The following WIPI2 variants were observed in gnomAD, a reference collection of about 807,000 sequenced individuals.
WIPI2 encodes WD repeat domain, phosphoinositide interacting 2, also known as WD repeat domain phosphoinositide-interacting protein 2.
In WIPI2, 28 loss-of-function variants were observed where a neutral mutation model predicts 52.3. That is an observed-to-expected ratio of 0.54 (90% confidence interval 0.40 to 0.73). WIPI2 has a LOEUF of 0.73. Ranked by LOEUF, WIPI2 falls within the 30% of genes least tolerant of loss-of-function variation. The pLI, the probability that WIPI2 is intolerant of heterozygous loss-of-function variation, is 0.00. For missense variants in WIPI2, 506 were observed against 602.9 expected (o/e 0.84, Z 1.68); for synonymous variants, 268 against 245.0 (o/e 1.09, Z -0.88).
At chr7:5,202,519 G>T (rs1562388454) in intron 3 of WIPI2, among the ~76,000 whole-genome samples, 1 of 151,950 alleles carries the variant, frequency 6.6e-6, no homozygotes, top group Non-Finnish European at 1.5e-5. Flanking sequence ...GAGTAGCTGG[G>T]ACCACAGGCA....
intron 7 of WIPI2, among the ~76,000 whole-genome samples, chr7:5,221,320 G>A (rs62441060): frequency 6.6e-6 from 1 of 152,054 alleles, no homozygotes; most frequent in East Asian, 1.9e-4. Flanking sequence ...TGTTGCCCAG[G>A]GTGGTCTCGA....
In WIPI2 at chr7:5,231,749, AT is replaced by A. The variant is rs3839712; in HGVS notation, c.*817del. On this transcript the variant is annotated 3_prime_UTR_variant, in exon 13 of 13. Coordinates refer to ENST00000288828, the MANE Select transcript of WIPI2 (RefSeq NM_015610.4). The stretch of plus-strand genomic sequence containing the variant: ...ACTCTTCCTGTTGAAAAACTGTGTG[AT>A]TTTTTTTTTTTTTTAAGTAAAGTTT... 0.42 allele frequency: 62,953 copies of A among 149,946 alleles called. 12,744 individuals are homozygous for A. Among genetic ancestry groups the A allele is most frequent in the African/African-American group, 0.48 (19,449 of 40,214 alleles). 9.3% of individuals were successfully genotyped at this position (149,946 alleles called of 1,614,324 possible).
At chr7:5,196,715 C>G (rs111277521) in intron 2 of WIPI2, among the ~76,000 whole-genome samples, 18 of 152,224 alleles carry the variant, frequency 1.2e-4, no homozygotes, top group Admixed American at 3.9e-4. Flanking sequence ...GTTTCCAAGT[C>G]ACCAAGAAAT....
chr7:5,202,886 A>G (rs1782099810), intron 3 of WIPI2, among the ~76,000 whole-genome samples: 1 of 152,228 alleles, frequency 6.6e-6, no homozygotes, highest in Non-Finnish European at 1.5e-5. Flanking sequence ...GTATGGGTTT[A>G]TTATTTGTAA....
intron 1 of WIPI2, 52 bp downstream of exon 1, chr7:5,190,545 G>T (rs1388649138): frequency 1.4e-6 from 2 of 1,398,272 alleles, no homozygotes; most frequent in South Asian, 3.1e-5. Context: ...GTCGGACCCG[G>T]GCTAGGGGGA....
chr7:5,225,201 T>C lies in WIPI2; in HGVS notation c.741-622T>C, dbSNP rs368631900. Among the ~76,000 whole-genome samples, 15 of 151,774 alleles carry C rather than the reference T, an allele frequency of 9.9e-5. No homozygotes were observed. In the East Asian group the frequency reaches 2.9e-3, roughly 29 times the overall value. On this transcript the variant is annotated intron_variant, in intron 8 of 12. Coordinates refer to ENST00000288828, the MANE Select transcript of WIPI2 (RefSeq NM_015610.4). Reference sequence around the variant, plus strand: ...TGTCGCCCAGGCTGGAGTGCAGTGGTGCGATCTCAGCTCACTGCAACCTCT... The same window carrying C: ...TGTCGCCCAGGCTGGAGTGCAGTGGCGCGATCTCAGCTCACTGCAACCTCT...
At position 5,230,936 on chromosome 7, in the gene WIPI2, C is replaced by A; in HGVS notation, c.1354C>A (p.Arg452=). ...EDSEHPPMIL[R]TD ...CAGCGAGCACCCGCCCATGATTCTT[C>A]GGACTGACTGAACTTGACCTGTGAC... The change falls in exon 13 of 13, where the codon CGG becomes AGG. Residue 452 remains arginine, a synonymous_variant. Transcript: ENST00000288828. The surrounding 1 kb of genome is among the most constrained non-coding windows in gnomAD (Gnocchi z 4.8). The A allele has an allele frequency of 6.2e-7, 1 of 1,611,564 alleles. No individual in the cohort carries two copies. Among genetic ancestry groups the A allele is most frequent in the Non-Finnish European group, 8.5e-7 (1 of 1,178,788 alleles).
chr7:5,190,505 G>A lies in WIPI2; in HGVS notation c.74+12G>A. 2 of 1,496,070 alleles carry A rather than the reference G, an allele frequency of 1.3e-6. No individual in the cohort carries two copies. The highest frequency in any genetic ancestry group is 1.8e-6 in the Non-Finnish European group (2 of 1,120,332). 92.7% of individuals were successfully genotyped at this position (1,496,070 alleles called of 1,614,324 possible). ...AACCAGGACAACACGTAAGGCCGGGGTCGGGGGTCGGAGTCGGGGTGAGGC... is the reference window on the plus strand; with the variant it reads ...AACCAGGACAACACGTAAGGCCGGGATCGGGGGTCGGAGTCGGGGTGAGGC... On this transcript the variant is annotated intron_variant, in intron 1 of 12. Transcript: ENST00000288828.
intron 9 of WIPI2, 162 bp downstream of exon 9, chr7:5,226,092 G>T (rs1157113574): frequency 1.5e-6 from 1 of 666,188 alleles, no homozygotes; most frequent in Non-Finnish European, 2.6e-6. Flanking sequence ...ATCCAGGCTC[G>T]GCAGTGAGGA....
chr7:5,214,703 A>T lies in WIPI2; in HGVS notation c.380A>T (p.Gln127Leu). The change falls in exon 4 of 13, where the codon CAG becomes CTG. Residue 127 changes from glutamine (Q) to leucine (L), a missense_variant and splice_region_variant. By Grantham distance (113) the Gln-to-Leu change is moderately radical (BLOSUM62 -2). Around this residue, in one of 4 missense-constraint regions of WIPI2, gnomAD observed 237 missense variants for 346.9 expected, o/e 0.68. Coordinates refer to ENST00000288828, the MANE Select transcript of WIPI2 (RefSeq NM_015610.4). ...NTILAVKLNR[Q>L]RLIVCLEESL... ...ATTCTGGCTGTGAAGCTCAACAGGC[A>T]GGTGAGCGCTGCCCCAGCTGGGTGT... The T allele has an allele frequency of 1.2e-6, 2 of 1,613,866 alleles. No homozygotes were observed. The highest frequency in any genetic ancestry group is 1.7e-6 in the Non-Finnish European group (2 of 1,180,020).
chr7:5,209,663 C>T (rs1190078186), intron 3 of WIPI2, among the ~76,000 whole-genome samples: 1 of 152,192 alleles, frequency 6.6e-6, no homozygotes, highest in South Asian at 2.1e-4. Context: ...CATCCCATCA[C>T]AGTTAACACC....
intron 3 of WIPI2, among the ~76,000 whole-genome samples, chr7:5,204,435 C>G (rs961307015): frequency 5.6e-4 from 85 of 152,244 alleles, no homozygotes; most frequent in African/African-American, 1.7e-3. Flanking sequence ...CCACTGCGCT[C>G]CAGCTTGGGC....
chr7:5,232,564 CAG>C lies in WIPI2; in HGVS notation c.*1618_*1619del. 2.7e-6 allele frequency: 1 copy of C among 369,542 alleles called. No homozygotes were observed. 22.9% of individuals were successfully genotyped at this position (369,542 alleles called of 1,614,324 possible). A position where few individuals can be genotyped will look rare whatever the true frequency, so the allele number is the denominator to read the frequency against. ...GGGATCCCGGTCACGCAGGCTGAGACAGTGGGGACCGCCGAGGCCAGAGTGGG... is the reference window on the plus strand; with the variant it reads ...GGGATCCCGGTCACGCAGGCTGAGACTGGGGACCGCCGAGGCCAGAGTGGG... On this transcript the variant is annotated 3_prime_UTR_variant, in exon 13 of 13. Transcript: ENST00000288828.
intron 3 of WIPI2, among the ~76,000 whole-genome samples, chr7:5,202,634 C>T (rs1359468144): frequency 1.3e-5 from 2 of 152,188 alleles, no homozygotes; most frequent in Non-Finnish European, 2.9e-5. Flanking sequence ...AGTCCTCCCA[C>T]CTCAGCCTCC....
intron 2 of WIPI2, among the ~76,000 whole-genome samples, chr7:5,194,692 C>T (rs1056652871): frequency 8.5e-5 from 13 of 152,168 alleles, no homozygotes; most frequent in African/African-American, 3.1e-4. Context: ...CCCAACTGGT[C>T]TCAAACTCCT....
At position 5,227,009 on chromosome 7, in the gene WIPI2, G is replaced by A. The variant is rs79450275; in HGVS notation, c.849-171G>A. ...CCCGACACCTCCCAGAGGAAGCTCC[G>A]TGATGCCCCTGGGGCCCTGAGTGTC... On this transcript the variant is annotated intron_variant, in intron 9 of 12. Coordinates refer to ENST00000288828, the MANE Select transcript of WIPI2 (RefSeq NM_015610.4). The surrounding 1 kb of genome is among the most constrained non-coding windows in gnomAD (Gnocchi z 8.1). The A allele has an allele frequency of 6.0e-3, 5,143 of 851,276 alleles. 165 individuals carry two copies. The African/African-American group carries it at 0.074, about 12-fold the overall frequency. The allele number at this position is 851,276 out of a possible 1,614,324, so 52.7% of individuals were successfully genotyped here.
At chr7:5,225,790 CG>C in intron 8 of WIPI2, 32 bp from the exon 9 acceptor site, 1 of 1,552,874 alleles carries the variant, frequency 6.4e-7, no homozygotes, top group South Asian at 1.2e-5. Context: ...CTGCTGGCTC[CG>C]GTGGCCCGCC....
Position 5,231,064 on chromosome 7 carries a change from T to TAAAAA in WIPI2, c.*126_*130dup. 1 of 549,922 alleles carries TAAAAA rather than the reference T, an allele frequency of 1.8e-6. No homozygotes were observed. The highest frequency in any genetic ancestry group is 2.9e-6 in the Non-Finnish European group (1 of 350,058). The allele number at this position is 549,922 out of a possible 1,614,324, so 34.1% of individuals were successfully genotyped here. ...GGGGAGAGGATGGCAGAGACTTTAT[T>TAAAAA]AAAAAAAAAAAAAGATTGTAGTGGT... On this transcript the variant is annotated 3_prime_UTR_variant, in exon 13 of 13. Coordinates refer to ENST00000288828, the MANE Select transcript of WIPI2 (RefSeq NM_015610.4).
At chr7:5,194,057 C>T (rs982893182) in intron 2 of WIPI2, among the ~76,000 whole-genome samples, 1 of 152,218 alleles carries the variant, frequency 6.6e-6, no homozygotes, top group African/African-American at 2.4e-5. Flanking sequence ...GTGCATCATG[C>T]AGCCAAGGGA....
Sources: allele counts gnomAD v4.1 joint callset (sites outside exome capture counted in the v4.1 genomes callset), GRCh38; gene constraint gnomAD v4.1.1; regional missense constraint gnomAD v4.1.1; non-coding constraint Gnocchi (gnomAD v3.1); transcripts MANE v1.5; gene names NCBI Gene and HGNC (gene_info 2026-07-23, HGNC 2026-07-21).